Variants in TNS1 observed in about 807,000 individuals in gnomAD.
The protein encoded by TNS1 is tensin 1, also known as tensin-1.
TNS1 carries 62 observed loss-of-function variants against 168.6 expected under a neutral mutation model. That is an observed-to-expected ratio of 0.37 (90% CI 0.30 to 0.45). The LOEUF is 0.45. Among genes scored for constraint, TNS1 ranks in the 20% least tolerant of loss-of-function variants. The probability of loss-of-function intolerance (pLI) is 1.00; values close to 1 mark genes in which losing one functional copy is unlikely to be tolerated. For synonymous variants in TNS1, 934 were observed against 933.2 expected (o/e 1.00, Z -0.02); for missense variants, 2,240 against 2,339.4 (o/e 0.96, Z 0.88).
rs1950765045 is a variant in TNS1, at chr2:217,882,386, T to C, written c.1272A>G (p.Lys424=). The change falls in exon 17 of 33, where the codon AAA becomes AAG. Residue 424 remains lysine (K), a synonymous_variant. Coordinates refer to ENST00000682258, the MANE Select transcript of TNS1 (RefSeq NM_001387777.1). ...FKDDRFPEYG[K]VEFVFSYGPE... The stretch of plus-strand genomic sequence containing the variant: ...GCCCATAAGAAAATACAAACTCCAC[T>C]TTGCCATACTCTGGAAATCGATCAT... 4 of 1,605,734 alleles carry C rather than the reference T, an allele frequency of 2.5e-6. No homozygotes were observed. The African/African-American group carries it at 4.0e-5, about 16-fold the overall frequency.
chr2:217,953,262 G>A (rs1420524152), intron 3 of TNS1, among the ~76,000 whole-genome samples: 2 of 152,132 alleles, frequency 1.3e-5, no homozygotes, highest in Non-Finnish European at 2.9e-5. Flanking sequence ...GGAAGGGGTG[G>A]GAGAGTGCGG....
At chr2:217,973,663 C>A (rs1957824625) in intron 3 of TNS1, among the ~76,000 whole-genome samples, 1 of 152,190 alleles carries the variant, frequency 6.6e-6, no homozygotes, top group South Asian at 2.1e-4. Context: ...AGAATCACAT[C>A]GAAGGCCCCT....
chr2:218,027,209 C>T (rs1480568863), intron 1 of TNS1, among the ~76,000 whole-genome samples: 1 of 152,148 alleles, frequency 6.6e-6, no homozygotes, highest in Non-Finnish European at 1.5e-5. Flanking sequence ...CGTCTTCCAC[C>T]CTGAGCCAGG....
At chr2:217,917,818 G>T (rs1308077329) in intron 4 of TNS1, among the ~76,000 whole-genome samples, 1 of 106,136 alleles carries the variant, frequency 9.4e-6, no homozygotes, top group African/African-American at 3.8e-5. Context: ...GCAACACAGT[G>T]AGACTGTTCT....
At chr2:217,971,593 G>A (rs147914387) in intron 3 of TNS1, among the ~76,000 whole-genome samples, 2 of 152,334 alleles carry the variant, frequency 1.3e-5, no homozygotes, top group East Asian at 3.9e-4. Flanking sequence ...ATATCTTGGA[G>A]TGGAATTTCT....
chr2:218,017,878 C>T (rs1006488994), intron 1 of TNS1, among the ~76,000 whole-genome samples: 30 of 152,216 alleles, frequency 2.0e-4, no homozygotes, highest in African/African-American at 6.5e-4. Flanking sequence ...ACTAGACAGA[C>T]GCTCCCCGCC....
intron 3 of TNS1, among the ~76,000 whole-genome samples, chr2:217,930,118 G>T (rs1956244045): frequency 6.6e-6 from 1 of 152,176 alleles, no homozygotes; most frequent in Non-Finnish European, 1.5e-5. Context: ...CCCTTGCTCT[G>T]GCCAGAGAAA....
chr2:217,884,689 G>A (rs1032893557), intron 16 of TNS1, among the ~76,000 whole-genome samples: 1 of 151,384 alleles, frequency 6.6e-6, no homozygotes, highest in Non-Finnish European at 1.5e-5. Flanking sequence ...CAAAGCAGAT[G>A]CCCAGTGAAT....
intron 22 of TNS1, among the ~76,000 whole-genome samples, chr2:217,829,369 G>A (rs1273995207): frequency 2.6e-5 from 4 of 152,042 alleles, no homozygotes; most frequent in African/African-American, 9.7e-5. Flanking sequence ...TGGACAACAA[G>A]AGCAAAACTC....
intron 2 of TNS1, among the ~76,000 whole-genome samples, chr2:217,983,778 C>T (rs1958118267): frequency 6.6e-6 from 1 of 152,226 alleles, no homozygotes; most frequent in Non-Finnish European, 1.5e-5. Flanking sequence ...CCTGCCTGCT[C>T]ACCGGCCACT....
At chr2:217,930,738 A>G (rs1220904536) in intron 3 of TNS1, among the ~76,000 whole-genome samples, 1 of 152,144 alleles carries the variant, frequency 6.6e-6, no homozygotes, top group African/African-American at 2.4e-5. Flanking sequence ...CGGCCGGAGG[A>G]CTAGGGGGAA....
At position 217,812,441 on chromosome 2, in the gene TNS1, C is replaced by A; in HGVS notation, c.4959G>T (p.Ser1653=). The A allele has an allele frequency of 6.2e-7, 1 of 1,613,874 alleles. No individual in the cohort carries two copies. The highest frequency in any genetic ancestry group is 1.3e-5 in the African/African-American group (1 of 74,972). ...AGTGCTGGTAGACCAGGGCAGACAGCGATCCTGTAGGGAGGCAGACGGCAT... is the reference window on the plus strand; with the variant it reads ...AGTGCTGGTAGACCAGGGCAGACAGAGATCCTGTAGGGAGGCAGACGGCAT... ...KGCPNEPNFG[S]LSALVYQHSI... is the part of the protein sequence containing the mutation. Residue 1653 remains serine, a synonymous_variant, in exon 28 of 33, where the codon TCG becomes TCT. Transcript: ENST00000682258.
At chr2:217,991,258 A>G (rs114257695) in intron 1 of TNS1, among the ~76,000 whole-genome samples, 2,561 of 152,200 alleles carry the variant, frequency 0.017, 59 homozygotes, top group African/African-American at 0.058. Context: ...GGTGGGGCCC[A>G]TGGCCTGAGT....
At chr2:218,001,002 A>C (rs1958553032) in intron 1 of TNS1, among the ~76,000 whole-genome samples, 2 of 152,064 alleles carry the variant, frequency 1.3e-5, no homozygotes, top group Admixed American at 1.3e-4. Context: ...AAATATAAAA[A>C]ATTAGCTGGA....
At chr2:217,950,990 A>G (rs936884063) in intron 3 of TNS1, among the ~76,000 whole-genome samples, 1 of 152,020 alleles carries the variant, frequency 6.6e-6, no homozygotes, top group Non-Finnish European at 1.5e-5. Flanking sequence ...TAGCACTTTC[A>G]GGGTTGGAGA....
intron 19 of TNS1, among the ~76,000 whole-genome samples, chr2:217,842,874 C>G (rs189062828): frequency 2.8e-4 from 43 of 152,312 alleles, no homozygotes; most frequent in African/African-American, 9.9e-4. Flanking sequence ...GCTGCCCAGC[C>G]CTGATCATCC....
intron 18 of TNS1, among the ~76,000 whole-genome samples, chr2:217,860,311 T>C (rs1347993381): frequency 6.6e-6 from 1 of 152,170 alleles, no homozygotes; most frequent in East Asian, 1.9e-4. Flanking sequence ...CAGTGCCCTG[T>C]ACCCTGGCCA....
In TNS1 at chr2:217,908,511, T is replaced by A. The variant is rs530987273; in HGVS notation, c.229-1260A>T. Among the ~76,000 whole-genome samples the A allele has an allele frequency of 2.0e-4, 31 of 152,154 alleles. No homozygotes were observed. In the South Asian group the frequency reaches 6.3e-3, roughly 31 times the overall value. On this transcript the variant is annotated intron_variant, in intron 4 of 32. Coordinates refer to ENST00000682258, the MANE Select transcript of TNS1 (RefSeq NM_001387777.1). ...ACAAGAGGCGCCTGCTCCAACCCCATCCCTGAGAGCTGAGGGATGAGCTGC... is the reference window on the plus strand; with the variant it reads ...ACAAGAGGCGCCTGCTCCAACCCCAACCCTGAGAGCTGAGGGATGAGCTGC...
At chr2:217,935,158 G>C (rs1956539859) in intron 3 of TNS1, among the ~76,000 whole-genome samples, 1 of 152,216 alleles carries the variant, frequency 6.6e-6, no homozygotes, top group Admixed American at 6.5e-5. Context: ...CTGAAGACGG[G>C]AGATCTGAAG....
Sources: allele counts gnomAD v4.1 joint callset (sites outside exome capture counted in the v4.1 genomes callset), GRCh38; gene constraint gnomAD v4.1.1; transcripts MANE v1.5; gene names NCBI Gene and HGNC (gene_info 2026-07-23, HGNC 2026-07-21).